Variants in CDS2 observed in about 807,000 individuals in gnomAD.
CDS2 encodes the protein CDP-diacylglycerol synthase 2.
A neutral mutation model predicts 59.0 loss-of-function variants in CDS2; 47 were observed. The ratio of observed to expected loss-of-function variants is 0.80; its 90% confidence interval spans 0.63 to 1.02. The LOEUF is 1.02. CDS2 is among the 50% of genes least tolerant of loss of function. The pLI, the probability that CDS2 is intolerant of heterozygous loss-of-function variation, is 0.00. For missense variants in CDS2, 356 were observed against 558.9 expected (o/e 0.64, Z 3.66); for synonymous variants, 207 against 206.4 (o/e 1.00, Z -0.02).
At position 5,193,395 on chromosome 20, in the gene CDS2, A is replaced by G. The variant is rs1404204245; in HGVS notation, c.*3161A>G. ...AATCTCTTTCATTGGGGAGGATACA[A>G]CTTTTGACTTTACACAGGTGGACTT... On this transcript the variant is annotated 3_prime_UTR_variant, in exon 13 of 13. Coordinates refer to ENST00000460006, the MANE Select transcript of CDS2 (RefSeq NM_003818.4). 1 of 152,206 alleles carries G rather than the reference A, an allele frequency of 6.6e-6. No homozygotes were observed. Among genetic ancestry groups the G allele is most frequent in the East Asian group, 1.9e-4 (1 of 5,196 alleles). The allele number at this position is 152,206 out of a possible 1,614,324, so 9.4% of individuals were successfully genotyped here.
intron 1 of CDS2, among the ~76,000 whole-genome samples, chr20:5,160,843 A>G (rs1040524167): frequency 5.3e-5 from 8 of 152,222 alleles, no homozygotes; most frequent in Non-Finnish European, 1.0e-4. Context: ...ACTTAGCACA[A>G]TGTCCTCAAG....
chr20:5,162,596 A>G (rs1396522460), intron 1 of CDS2, among the ~76,000 whole-genome samples: 2 of 152,180 alleles, frequency 1.3e-5, no homozygotes, highest in Admixed American at 1.3e-4. Flanking sequence ...GGAAATATGA[A>G]TCTGAAGCTT....
At chr20:5,185,300 C>T (rs982130454) in intron 8 of CDS2, among the ~76,000 whole-genome samples, 3 of 151,946 alleles carry the variant, frequency 2.0e-5, no homozygotes, top group African/African-American at 7.3e-5. Context: ...TAGCATGCAC[C>T]TGTAGTCCCA....
Position 5,184,002 on chromosome 20 carries a change from C to CA in CDS2, c.672-849dup, listed in dbSNP as rs544154317. On this transcript the variant is annotated intron_variant, in intron 7 of 12. Coordinates refer to ENST00000460006, the MANE Select transcript of CDS2 (RefSeq NM_003818.4). The surrounding 1 kb of genome is among the most constrained non-coding windows in gnomAD (Gnocchi z 4.3). ...GAAATCCCCGTCTCTACTAAAAATA[C>CA]AAAAAAATAGCTGGTGTGGTGGCGT... 1.4e-4 allele frequency among the ~76,000 whole-genome samples: 22 copies of CA among 152,084 alleles called. No homozygotes were observed. In the South Asian group the frequency reaches 3.7e-3, roughly 26 times the overall value.
intron 1 of CDS2, among the ~76,000 whole-genome samples, chr20:5,134,122 A>G (rs1290664925): frequency 6.6e-6 from 1 of 152,180 alleles, no homozygotes; most frequent in Non-Finnish European, 1.5e-5. Flanking sequence ...TGATTTAGAC[A>G]TTTGTGAGCA....
rs1381950860 is a variant in CDS2, at chr20:5,166,484, A to C, written c.58-7039A>C. On this transcript the variant is annotated intron_variant, in intron 1 of 12. Transcript: ENST00000460006. The stretch of plus-strand genomic sequence containing the variant: ...GGTCTGTAGCTCAAGAAGAGACAGC[A>C]GGGAGCATGAGAATGAATGGGGAAA... Among the ~76,000 whole-genome samples, 3 of 152,156 alleles carry C rather than the reference A, an allele frequency of 2.0e-5. No homozygotes were observed. In the East Asian group the frequency reaches 5.8e-4, roughly 30 times the overall value.
In CDS2 at chr20:5,183,054, T is replaced by C; in HGVS notation, c.589-7T>C. On this transcript the variant is annotated splice_region_variant and splice_polypyrimidine_tract_variant and intron_variant, in intron 6 of 12. Transcript: ENST00000460006. ...GTAAGTAGTGTTTATTTTTCTTTTT[T>C]TTGCAGTTTGGCTGGACCCATGTGA... 1 of 1,613,382 alleles carries C rather than the reference T, an allele frequency of 6.2e-7. No individual in the cohort carries two copies. Among genetic ancestry groups the C allele is most frequent in the Non-Finnish European group, 8.5e-7 (1 of 1,179,356 alleles).
intron 5 of CDS2, among the ~76,000 whole-genome samples, chr20:5,179,331 A>G (rs570827539): frequency 1.3e-4 from 20 of 152,330 alleles, no homozygotes; most frequent in South Asian, 8.3e-4. Context: ...CATGTTGGCC[A>G]GGCTGGTTCC....
rs1167862606 is a variant in CDS2, at chr20:5,184,473, TA to T, written c.672-380del. ...ATTGGGGAGGTAACCACTAGAAAAA[TA>T]AAAATTAGAAACGATTAGAAGTGGT... On this transcript the variant is annotated intron_variant, in intron 7 of 12. Transcript: ENST00000460006. The surrounding 1 kb of genome is among the most constrained non-coding windows in gnomAD (Gnocchi z 4.3). Among the ~76,000 whole-genome samples, 2 of 152,126 alleles carry T rather than the reference TA, an allele frequency of 1.3e-5. No individual in the cohort carries two copies. Among genetic ancestry groups the T allele is most frequent in the Admixed American group, 6.5e-5 (1 of 15,282 alleles).
rs181279674 is a variant in CDS2, at chr20:5,182,985, A to G, written c.589-76A>G. ...CCTACCTGCTTCTCAGCAGTTTTCT[A>G]TTTGGTATTGATTGTTCTTTGAAGT... On this transcript the variant is annotated intron_variant, in intron 6 of 12. Transcript: ENST00000460006. The G allele has an allele frequency of 1.1e-3, 1,261 of 1,189,374 alleles. 13 individuals carry two copies. In the Admixed American group the frequency reaches 0.022, roughly 21 times the overall value. 73.7% of individuals were successfully genotyped at this position (1,189,374 alleles called of 1,614,324 possible).
intron 5 of CDS2, 73 bp downstream of exon 5, chr20:5,179,029 A>G: frequency 1.4e-6 from 2 of 1,453,672 alleles, no homozygotes; most frequent in Non-Finnish European, 1.9e-6. Flanking sequence ...GAATTGGGGA[A>G]TTTCTTGGTT....
intron 1 of CDS2, among the ~76,000 whole-genome samples, chr20:5,147,183 C>T (rs915660776): frequency 6.6e-6 from 1 of 152,162 alleles, no homozygotes; most frequent in Non-Finnish European, 1.5e-5. Context: ...AGACAACTAG[C>T]AGTCTCTGAG....
chr20:5,127,172 C>A, intron 1 of CDS2, 23 bp downstream of exon 1: 1 of 1,479,562 alleles, frequency 6.8e-7, no homozygotes, highest in Non-Finnish European at 9.0e-7. Flanking sequence ...TCGGGGTGGG[C>A]GCGGCCGGGA....
intron 1 of CDS2, among the ~76,000 whole-genome samples, chr20:5,160,694 C>T (rs909760439): frequency 6.6e-6 from 1 of 152,112 alleles, no homozygotes; most frequent in Non-Finnish European, 1.5e-5. Context: ...AAACTCTGTA[C>T]CCATTAAACA....
intron 1 of CDS2, among the ~76,000 whole-genome samples, chr20:5,158,673 A>G (rs1243054453): frequency 6.6e-6 from 1 of 152,204 alleles, no homozygotes; most frequent in South Asian, 2.1e-4. Flanking sequence ...CAGAGCCACC[A>G]CTATGTACCC....
chr20:5,189,108 T>G lies in CDS2; in HGVS notation c.1023T>G (p.Ala341=). 1.2e-6 allele frequency: 2 copies of G among 1,614,186 alleles called. No homozygotes were observed. The highest frequency in any genetic ancestry group is 2.2e-5 in the South Asian group (2 of 91,084). ...ACCCCTTCCAGATTCACAGCATCGC[T>G]CTCTCCACCTTTGCCTCGCTCATTG... ...RMYPFQIHSI[A]LSTFASLIGP... The change falls in exon 11 of 13, where the codon GCT becomes GCG. Residue 341 remains alanine (A), a synonymous_variant. Coordinates refer to ENST00000460006, the MANE Select transcript of CDS2 (RefSeq NM_003818.4).
chr20:5,184,127 T>C lies in CDS2; in HGVS notation c.672-731T>C, dbSNP rs1025218912. Reference sequence around the variant, plus strand: ...GTGAGCCGAGATTGTGTCACTGCACTCCAGCCTGGGCAACAGAGACTCTGT... The same window carrying C: ...GTGAGCCGAGATTGTGTCACTGCACCCCAGCCTGGGCAACAGAGACTCTGT... On this transcript the variant is annotated intron_variant, in intron 7 of 12. Coordinates refer to ENST00000460006, the MANE Select transcript of CDS2 (RefSeq NM_003818.4). This position sits in a 1 kb window ranked among gnomAD's most constrained non-coding sequence, Gnocchi z 4.3. Among the ~76,000 whole-genome samples the C allele has an allele frequency of 6.6e-6, 1 of 152,130 alleles. No individual in the cohort carries two copies. Among genetic ancestry groups the C allele is most frequent in the Non-Finnish European group, 1.5e-5 (1 of 68,014 alleles).
At chr20:5,149,277 T>C (rs573880822) in intron 1 of CDS2, among the ~76,000 whole-genome samples, 4 of 152,358 alleles carry the variant, frequency 2.6e-5, no homozygotes, top group Non-Finnish European at 5.9e-5. Flanking sequence ...AATATTTAAA[T>C]ATACATGCTA....
Position 5,195,654 on chromosome 20 carries a change from A to C in CDS2, c.*5420A>C, listed in dbSNP as rs894570241. The C allele has an allele frequency of 1.4e-4, 21 of 152,568 alleles. No homozygotes were observed. The highest frequency in any genetic ancestry group is 4.6e-4 in the African/African-American group (19 of 41,576). The allele number at this position is 152,568 out of a possible 1,614,324, so 9.5% of individuals were successfully genotyped here. On this transcript the variant is annotated 3_prime_UTR_variant, in exon 13 of 13. Transcript: ENST00000460006. ...GTTCCCTGTATGGGTGGATGTCCTC[A>C]GGGGCCAAGAAGAGAAGAATGGGGA...
Sources: gnomAD v4.1 joint callset for allele counts (sites outside exome capture counted in the v4.1 genomes callset) on GRCh38, gnomAD v4.1.1 for gene constraint, Gnocchi (gnomAD v3.1) non-coding constraint, MANE v1.5 for transcripts, NCBI Gene and HGNC (gene_info 2026-07-23, HGNC 2026-07-21) for gene names.